Variants in FAM135B observed in about 807,000 individuals in gnomAD.
FAM135B encodes family with sequence similarity 135 member B.
In FAM135B, 43 loss-of-function variants were observed where a neutral mutation model predicts 127.7. The observed-to-expected ratio is 0.34, with a 90% CI of 0.26 to 0.43. FAM135B has a LOEUF of 0.43. FAM135B is among the 20% of genes least tolerant of loss of function. The pLI is 1.00. For synonymous variants in FAM135B, 670 were observed against 665.1 expected (o/e 1.01, Z -0.11); for missense variants, 1,558 against 1,725.6 (o/e 0.90, Z 1.72).
chr8:138,139,136 A>C, intron 17 of FAM135B, 40 bp from the exon 18 acceptor site: 2 of 1,322,030 alleles, frequency 1.5e-6, no homozygotes, highest in Non-Finnish European at 2.2e-6. Context: ...AAAACACAAA[A>C]CAAAACAAAA....
At chr8:138,414,809 T>C (rs1003875261) in intron 1 of FAM135B, among the ~76,000 whole-genome samples, 4 of 152,080 alleles carry the variant, frequency 2.6e-5, no homozygotes, top group African/African-American at 9.7e-5. Context: ...CCTTCAAACC[T>C]GGCTGAGTGT....
Position 138,201,214 on chromosome 8 carries a change from G to T in FAM135B, c.670-3545C>A, listed in dbSNP as rs183447333. On this transcript the variant is annotated intron_variant, in intron 7 of 19. Coordinates refer to ENST00000395297, the MANE Select transcript of FAM135B (RefSeq NM_015912.4). Reference sequence around the variant, plus strand: ...TTTTCAGGTCCCGCTACCTGCCACTGTCTCACCACCTTGGTCTCATTCTGC... The same window carrying T: ...TTTTCAGGTCCCGCTACCTGCCACTTTCTCACCACCTTGGTCTCATTCTGC... Among the ~76,000 whole-genome samples, 10 of 152,292 alleles carry T rather than the reference G, an allele frequency of 6.6e-5. No individual in the cohort carries two copies. In the East Asian group the frequency reaches 1.9e-3, roughly 29 times the overall value.
chr8:138,291,109 CT>C (rs1825078447), intron 3 of FAM135B, among the ~76,000 whole-genome samples: 2 of 152,148 alleles, frequency 1.3e-5, no homozygotes, highest in African/African-American at 2.4e-5. Context: ...CTCTTTGAAA[CT>C]TTTCAAAAAC....
At chr8:138,316,520 A>C (rs1214094297) in intron 2 of FAM135B, among the ~76,000 whole-genome samples, 2 of 152,154 alleles carry the variant, frequency 1.3e-5, no homozygotes, top group Admixed American at 6.5e-5. Context: ...AAAACAAAAA[A>C]AACCACAATG....
intron 7 of FAM135B, among the ~76,000 whole-genome samples, chr8:138,231,549 G>A (rs1023739075): frequency 1.2e-4 from 18 of 152,142 alleles, no homozygotes; most frequent in African/African-American, 4.1e-4. Flanking sequence ...TGATGACTCC[G>A]TGCTAGGTGC....
At chr8:138,405,747 A>T (rs200163385) in intron 1 of FAM135B, among the ~76,000 whole-genome samples, 2 of 152,058 alleles carry the variant, frequency 1.3e-5, no homozygotes, top group East Asian at 1.9e-4. Context: ...GATGGCTGGG[A>T]CAAATGGTAC....
In FAM135B at chr8:138,137,336, T is replaced by C. The variant is rs916293532; in HGVS notation, c.3902-76A>G. On this transcript the variant is annotated intron_variant, in intron 18 of 19. Transcript: ENST00000395297. ...AACACCCTCTGGAAATTTGCACAAA[T>C]TTCCAGACTTGTCCTATAGAGAGAA... 5 of 812,198 alleles carry C rather than the reference T, an allele frequency of 6.2e-6. No individual in the cohort carries two copies. The African/African-American group carries it at 8.4e-5, about 14-fold the overall frequency. 50.3% of individuals were successfully genotyped at this position (812,198 alleles called of 1,614,324 possible).
At chr8:138,415,889 T>C (rs912757549) in intron 1 of FAM135B, among the ~76,000 whole-genome samples, 8 of 152,302 alleles carry the variant, frequency 5.3e-5, no homozygotes, top group Non-Finnish European at 7.3e-5. Flanking sequence ...TCTCCATTGG[T>C]TTCACGGTGT....
chr8:138,447,117 A>G (rs1403633168), intron 1 of FAM135B, among the ~76,000 whole-genome samples: 1 of 151,882 alleles, frequency 6.6e-6, no homozygotes, highest in Non-Finnish European at 1.5e-5. Flanking sequence ...ACCATCTCAC[A>G]CCAGTTAGAA....
At chr8:138,197,230 T>G (rs1045510670) in intron 8 of FAM135B, among the ~76,000 whole-genome samples, 4 of 152,094 alleles carry the variant, frequency 2.6e-5, no homozygotes, top group African/African-American at 4.8e-5. Flanking sequence ...GAAAGCAACC[T>G]AAAATTATGC....
intron 2 of FAM135B, among the ~76,000 whole-genome samples, chr8:138,340,646 C>A (rs1828984032): frequency 6.6e-6 from 1 of 152,146 alleles, no homozygotes; most frequent in African/African-American, 2.4e-5. Flanking sequence ...TGCTGGCCAG[C>A]ATCCCAGCTC....
Position 138,180,950 on chromosome 8 carries a change from A to G in FAM135B, c.874-2260T>C, listed in dbSNP as rs187482043. Among the ~76,000 whole-genome samples, 9 of 152,258 alleles carry G rather than the reference A, an allele frequency of 5.9e-5. No homozygotes were observed. In the East Asian group the frequency reaches 1.7e-3, roughly 29 times the overall value. Reference sequence around the variant, plus strand: ...TACATCATGGTCAAAAGTGTTAAGTAAAAACTGGGGCCGGGCATGGTGGCT... The same window carrying G: ...TACATCATGGTCAAAAGTGTTAAGTGAAAACTGGGGCCGGGCATGGTGGCT... On this transcript the variant is annotated intron_variant, in intron 9 of 19. Coordinates refer to ENST00000395297, the MANE Select transcript of FAM135B (RefSeq NM_015912.4).
chr8:138,290,210 A>T (rs999577717), intron 3 of FAM135B, among the ~76,000 whole-genome samples: 2 of 152,170 alleles, frequency 1.3e-5, no homozygotes, highest in African/African-American at 4.8e-5. Context: ...AGGCAGAGCT[A>T]AGGAAGTGAA....
intron 1 of FAM135B, among the ~76,000 whole-genome samples, chr8:138,397,953 C>T (rs116327231): frequency 2.0e-3 from 309 of 152,272 alleles, no homozygotes; most frequent in African/African-American, 7.1e-3. Context: ...CACATCTGTT[C>T]TCACAGTGTC....
At chr8:138,173,743 G>A (rs1414628830) in intron 11 of FAM135B, among the ~76,000 whole-genome samples, 3 of 152,150 alleles carry the variant, frequency 2.0e-5, no homozygotes, top group African/African-American at 7.2e-5. Flanking sequence ...ATTAACACAG[G>A]AAATGCAAAA....
chr8:138,273,158 T>C (rs1823517195), intron 3 of FAM135B, among the ~76,000 whole-genome samples: 1 of 152,220 alleles, frequency 6.6e-6, no homozygotes, highest in African/African-American at 2.4e-5. Context: ...TTTTACCAGA[T>C]ATTAGTAGAA....
At chr8:138,245,384 T>A (rs1821198131) in intron 6 of FAM135B, among the ~76,000 whole-genome samples, 1 of 152,106 alleles carries the variant, frequency 6.6e-6, no homozygotes, top group African/African-American at 2.4e-5. Context: ...GTGGGAGGGA[T>A]CCAGTGAGAG....
At chr8:138,297,380 T>C (rs1368910496) in intron 3 of FAM135B, among the ~76,000 whole-genome samples, 3 of 152,186 alleles carry the variant, frequency 2.0e-5, no homozygotes, top group African/African-American at 7.2e-5. Flanking sequence ...CACTGGGCGC[T>C]TGCCCAAAGT....
Position 138,281,631 on chromosome 8 carries a change from A to G in FAM135B, c.158-15789T>C, listed in dbSNP as rs374851121. 3.3e-5 allele frequency among the ~76,000 whole-genome samples: 5 copies of G among 152,040 alleles called. No homozygotes were observed. In the East Asian group the frequency reaches 9.7e-4, roughly 30 times the overall value. On this transcript the variant is annotated intron_variant, in intron 3 of 19. Transcript: ENST00000395297. ...CTTGGCCGCCGTGAAATGAAGCTTC[A>G]CTATTTTTCCTCTTGACCCTCTGAT... is the stretch of plus-strand genomic sequence containing the variant.
Sources: gnomAD v4.1 joint callset for allele counts (sites outside exome capture counted in the v4.1 genomes callset) on GRCh38, gnomAD v4.1.1 for gene constraint, MANE v1.5 for transcripts, NCBI Gene and HGNC (gene_info 2026-07-23, HGNC 2026-07-21) for gene names.